The following TRIQK variants were observed in gnomAD, a reference collection of about 807,000 sequenced individuals.
TRIQK encodes triple QxxK/R motif-containing protein.
In TRIQK, 10 loss-of-function variants were observed where a neutral mutation model predicts 10.8. The ratio of observed to expected loss-of-function variants is 0.92; its 90% CI spans 0.57 to 1.57. TRIQK has a LOEUF of 1.57. Ranked by LOEUF, TRIQK falls within the 40% of genes most tolerant of loss-of-function variation. The probability of loss-of-function intolerance (pLI) is 0.00; values close to 1 mark genes in which losing one functional copy is unlikely to be tolerated. For synonymous variants in TRIQK, 33 were observed against 33.7 expected (o/e 0.98, Z 0.07); for missense variants, 107 against 97.7 (o/e 1.09, Z -0.40).
intron 1 of TRIQK, among the ~76,000 whole-genome samples, chr8:92,984,342 C>T (rs996879920): frequency 1.3e-5 from 2 of 150,868 alleles, no homozygotes; most frequent in African/African-American, 5.0e-5. Context: ...ATGAAGTCAT[C>T]ACAGTGAACC....
intron 1 of TRIQK, among the ~76,000 whole-genome samples, chr8:92,985,741 G>A (rs1224314021): frequency 6.6e-6 from 1 of 152,086 alleles, no homozygotes; most frequent in Non-Finnish European, 1.5e-5. Context: ...CGATGTAATT[G>A]TTGTTAAAAA....
chr8:92,934,366 A>G (rs1157258438), intron 2 of TRIQK, among the ~76,000 whole-genome samples: 1 of 151,996 alleles, frequency 6.6e-6, no homozygotes, highest in Non-Finnish European at 1.5e-5. Flanking sequence ...GCCGAGAAAC[A>G]CATCCTTAAA....
Position 92,981,257 on chromosome 8 carries a change from G to A in TRIQK, c.-180-26693C>T, listed in dbSNP as rs184932296. ...GTCTGTTTTCGGTGGCTTTTTTGAG[G>A]TCTCTTTGTAGTTTATTAGTACATG... On this transcript the variant is annotated intron_variant, in intron 1 of 4. Coordinates refer to the TRIQK transcript ENST00000520686. Among the ~76,000 whole-genome samples the A allele has an allele frequency of 2.7e-5, 4 of 150,904 alleles. No homozygotes were observed. The East Asian group carries it at 7.8e-4, about 29-fold the overall frequency.
intron 2 of TRIQK, among the ~76,000 whole-genome samples, chr8:92,952,000 G>A (rs1236972303): frequency 6.6e-6 from 1 of 151,780 alleles, no homozygotes; most frequent in Non-Finnish European, 1.5e-5. Flanking sequence ...CATGTTACTA[G>A]AGGCCTATTT....
intron 3 of TRIQK, among the ~76,000 whole-genome samples, chr8:92,914,478 A>G (rs1278927560): frequency 1.3e-5 from 2 of 152,208 alleles, no homozygotes; most frequent in African/African-American, 2.4e-5. Flanking sequence ...TTTGTACACC[A>G]TGTACTTGAG....
At chr8:93,007,484 C>G (rs200950267) in intron 1 of TRIQK, among the ~76,000 whole-genome samples, 1 of 152,138 alleles carries the variant, frequency 6.6e-6, no homozygotes, top group Non-Finnish European at 1.5e-5. Flanking sequence ...TCCAAATGAT[C>G]GCAATACCTT....
intron 3 of TRIQK, among the ~76,000 whole-genome samples, chr8:92,901,502 A>C (rs552514729): frequency 6.6e-6 from 1 of 152,284 alleles, no homozygotes; most frequent in South Asian, 2.1e-4. Flanking sequence ...AATTGAAATG[A>C]TCATAGGGTT....
chr8:92,951,042 T>C (rs1316872736), intron 2 of TRIQK, among the ~76,000 whole-genome samples: 2 of 152,098 alleles, frequency 1.3e-5, no homozygotes, highest in East Asian at 1.9e-4. Flanking sequence ...AGATTATGTA[T>C]AATATTTAAT....
intron 1 of TRIQK, among the ~76,000 whole-genome samples, chr8:93,006,235 G>A (rs768955543): frequency 9.9e-5 from 15 of 152,038 alleles, no homozygotes; most frequent in Non-Finnish European, 1.9e-4. Context: ...AACAGCAAGT[G>A]AATCCTGATC....
At chr8:92,993,095 G>C (rs573379549) in intron 1 of TRIQK, among the ~76,000 whole-genome samples, 112 of 152,246 alleles carry the variant, frequency 7.4e-4, no homozygotes, top group African/African-American at 2.7e-3. Context: ...TTTTCTACTG[G>C]TCTTTTCAGT....
intron 3 of TRIQK, among the ~76,000 whole-genome samples, chr8:92,908,896 T>C (rs1809421218): frequency 6.6e-6 from 1 of 152,052 alleles, no homozygotes; most frequent in African/African-American, 2.4e-5. Context: ...TCAACATTTT[T>C]AGAATAAATC....
At chr8:92,902,956 C>T (rs73315003) in intron 3 of TRIQK, among the ~76,000 whole-genome samples, 26,112 of 151,548 alleles carry the variant, frequency 0.17, 2,486 homozygotes, top group East Asian at 0.27. Context: ...AAAATATATA[C>T]CTAACTTTCC....
chr8:92,910,420 C>T, intron 3 of TRIQK, among the ~76,000 whole-genome samples: 1 of 150,392 alleles, frequency 6.6e-6, no homozygotes, highest in Non-Finnish European at 1.5e-5. Flanking sequence ...GAAACATAGT[C>T]AAAAAGTTTC....
intron 3 of TRIQK, among the ~76,000 whole-genome samples, chr8:92,915,658 A>AT (rs11400309): frequency 0.97 from 138,452 of 142,540 alleles, 67,222 homozygotes; most frequent in Admixed American, 0.98. Flanking sequence ...CGCCCGGCTA[A>AT]TTTTTTTTTT....
At chr8:92,937,337 A>G (rs1202667796) in intron 2 of TRIQK, among the ~76,000 whole-genome samples, 1 of 151,622 alleles carries the variant, frequency 6.6e-6, no homozygotes, top group Non-Finnish European at 1.5e-5. Context: ...ATAAACGCCA[A>G]ATTCTGTGGT....
intron 1 of TRIQK, among the ~76,000 whole-genome samples, chr8:92,955,369 A>C (rs941423846): frequency 2.7e-4 from 41 of 151,790 alleles, no homozygotes; most frequent in Non-Finnish European, 5.5e-4. Context: ...TTTTTAACAA[A>C]GGTGCTACAA....
At position 92,883,734 on chromosome 8, in the gene TRIQK, T is replaced by G. The variant is rs2130193364; in HGVS notation, c.*2888A>C. 6.6e-6 allele frequency: 1 copy of G among 151,832 alleles called. No individual in the cohort carries two copies. The highest frequency in any genetic ancestry group is 2.1e-4 in the South Asian group (1 of 4,824). 9.4% of individuals were successfully genotyped at this position (151,832 alleles called of 1,614,324 possible). Reference sequence around the variant, plus strand: ...CATACTCTCAAGATCTTACAGTCATTGGTTGGGGTGAAAGTATTTCTTCTG... The same window carrying G: ...CATACTCTCAAGATCTTACAGTCATGGGTTGGGGTGAAAGTATTTCTTCTG... On this transcript the variant is annotated 3_prime_UTR_variant, in exon 5 of 5. Transcript: ENST00000521988.
rs562698869 is a variant in TRIQK at position 92,888,072 on chromosome 8, T to G, written c.148-1337A>C. On this transcript the variant is annotated intron_variant, in intron 4 of 4. Transcript: ENST00000521988. ...GACAGGTTTCATTTATTTTCTTATA[T>G]CCACAGCTGTGTTCCCAGACCCATC... 2.6e-5 allele frequency among the ~76,000 whole-genome samples: 4 copies of G among 151,774 alleles called. No individual in the cohort carries two copies. In the East Asian group the frequency reaches 7.8e-4, roughly 29 times the overall value.
At chr8:92,933,548 G>T in intron 2 of TRIQK, among the ~76,000 whole-genome samples, 1 of 152,018 alleles carries the variant, frequency 6.6e-6, no homozygotes, top group South Asian at 2.1e-4. Flanking sequence ...GCTGAAGCTG[G>T]CCATGGGGTC....
Sources: gnomAD v4.1 joint callset for allele counts (sites outside exome capture counted in the v4.1 genomes callset) on GRCh38, gnomAD v4.1.1 for gene constraint, MANE v1.5 for transcripts, NCBI Gene and HGNC (gene_info 2026-07-23, HGNC 2026-07-21) for gene names.